Variants in DERA observed in about 807,000 individuals in gnomAD.
DERA encodes deoxyribose-phosphate aldolase, also known as 2-deoxy-D-ribose 5-phosphate aldolase.
In DERA, 15 loss-of-function variants were observed where a neutral mutation model predicts 41.1. That is an observed-to-expected ratio of 0.37 (90% CI 0.24 to 0.56). DERA has a LOEUF of 0.56. Ranked by LOEUF, DERA falls within the 20% of genes least tolerant of loss-of-function variation. DERA has a pLI of 0.81. For missense variants in DERA, 396 were observed against 403.4 expected (o/e 0.98, Z 0.16); for synonymous variants, 139 against 137.4 (o/e 1.01, Z -0.08).
At chr12:16,028,037 A>G (rs1176141911) in intron 6 of DERA, among the ~76,000 whole-genome samples, 3 of 152,230 alleles carry the variant, frequency 2.0e-5, no homozygotes. Flanking sequence ...ATATACACAG[A>G]TATATTTCCC....
chr12:15,914,393 TAAA>T (rs1185673228), intron 1 of DERA, among the ~76,000 whole-genome samples: 2 of 55,018 alleles, frequency 3.6e-5, no homozygotes, highest in Non-Finnish European at 4.1e-5. Flanking sequence ...TCAAAAAAGA[TAAA>T]AAAAAAAAAA....
intron 6 of DERA, among the ~76,000 whole-genome samples, chr12:15,987,387 C>T (rs1948772198): frequency 6.6e-6 from 1 of 151,942 alleles, no homozygotes; most frequent in Non-Finnish European, 1.5e-5. Context: ...CAGGTGTACA[C>T]TACCACGCCT....
chr12:15,944,971 A>G (rs539119045), intron 1 of DERA, among the ~76,000 whole-genome samples: 158 of 152,308 alleles, frequency 1.0e-3, no homozygotes, highest in Middle Eastern at 3.4e-3. Flanking sequence ...TGCCAGCATC[A>G]TTTGTTAAAT....
intron 1 of DERA, among the ~76,000 whole-genome samples, chr12:15,917,342 A>AGT (rs1305379813): frequency 6.6e-6 from 1 of 152,234 alleles, no homozygotes; most frequent in Non-Finnish European, 1.5e-5. Context: ...TCCCAACTGG[A>AGT]GTTAACTTGA....
rs184829467 is a variant in DERA at position 15,918,399 on chromosome 12, T to C, written c.31+6985T>C. 2.4e-4 allele frequency among the ~76,000 whole-genome samples: 37 copies of C among 152,294 alleles called. No homozygotes were observed. The East Asian group carries it at 6.2e-3, about 26-fold the overall frequency. On this transcript the variant is annotated intron_variant, in intron 1 of 8. Coordinates refer to ENST00000428559, the MANE Select transcript of DERA (RefSeq NM_015954.4). This position sits in a 1 kb window ranked among gnomAD's most constrained non-coding sequence, Gnocchi z 4.3. Reference sequence around the variant, plus strand: ...TCCCCTCCTTGTTCTGATTGGACTCTGGGCTACCCCATTCTGTTTGGCCCA... The same window carrying C: ...TCCCCTCCTTGTTCTGATTGGACTCCGGGCTACCCCATTCTGTTTGGCCCA...
At chr12:15,961,708 C>T (rs750363011) in intron 4 of DERA, among the ~76,000 whole-genome samples, 10 of 152,128 alleles carry the variant, frequency 6.6e-5, no homozygotes, top group African/African-American at 1.4e-4. Context: ...AACAGAGAAA[C>T]ATGCTTTCCT....
rs375069071 is a variant in DERA at position 15,957,146 on chromosome 12, G to A, written c.129+113G>A. 1.3e-5 allele frequency: 10 copies of A among 775,884 alleles called. No homozygotes were observed. The highest frequency in any genetic ancestry group is 3.5e-5 in the African/African-American group (2 of 57,634). The allele number at this position is 775,884 out of a possible 1,614,324, so 48.1% of individuals were successfully genotyped here. Reference sequence around the variant, plus strand: ...ATGCATCTAAACTTAAAAGATTGCAGCTGTCCATGACTTATTTTAATAATT... The same window carrying A: ...ATGCATCTAAACTTAAAAGATTGCAACTGTCCATGACTTATTTTAATAATT... On this transcript the variant is annotated intron_variant, in intron 2 of 8. Coordinates refer to ENST00000428559, the MANE Select transcript of DERA (RefSeq NM_015954.4). The surrounding 1 kb of genome is among the most constrained non-coding windows in gnomAD (Gnocchi z 4.8).
Position 16,037,312 on chromosome 12 carries a change from A to C in DERA, c.*566A>C, listed in dbSNP as rs1009720794. ...GTTCCTATAGTTTATTTTTTTAAAA[A>C]ACTTAAAAATTGTTACAATACATAA... On this transcript the variant is annotated 3_prime_UTR_variant, in exon 9 of 9. Transcript: ENST00000428559. This position sits in a 1 kb window ranked among gnomAD's most constrained non-coding sequence, Gnocchi z 6.7. The C allele has an allele frequency of 6.6e-6, 1 of 152,224 alleles. No homozygotes were observed. The highest frequency in any genetic ancestry group is 2.4e-5 in the African/African-American group (1 of 41,462). The allele number at this position is 152,224 out of a possible 1,614,324, so 9.4% of individuals were successfully genotyped here.
chr12:15,949,227 G>T (rs1035600722), intron 1 of DERA, among the ~76,000 whole-genome samples: 1 of 152,172 alleles, frequency 6.6e-6, no homozygotes, highest in Non-Finnish European at 1.5e-5. Flanking sequence ...CTTCAAAGCT[G>T]TCAGATAGGG....
In DERA at chr12:15,931,849, T is replaced by G. The variant is rs934834757; in HGVS notation, c.31+20435T>G. ...GGTTGTTAAAAATAATCTGGCTTCC[T>G]TGTTTTTTCTTCTGTTGCTTCGTCT... On this transcript the variant is annotated intron_variant, in intron 1 of 8. Coordinates refer to ENST00000428559, the MANE Select transcript of DERA (RefSeq NM_015954.4). This position sits in a 1 kb window ranked among gnomAD's most constrained non-coding sequence, Gnocchi z 4.6. 1.3e-5 allele frequency among the ~76,000 whole-genome samples: 2 copies of G among 152,224 alleles called. No individual in the cohort carries two copies. The highest frequency in any genetic ancestry group is 4.8e-5 in the African/African-American group (2 of 41,450).
In DERA at chr12:15,994,182, C is replaced by A. The variant is rs1393616849; in HGVS notation, c.637+11746C>A. 6.6e-6 allele frequency among the ~76,000 whole-genome samples: 1 copy of A among 152,202 alleles called. No individual in the cohort carries two copies. Among genetic ancestry groups the A allele is most frequent in the Non-Finnish European group, 1.5e-5 (1 of 68,038 alleles). On this transcript the variant is annotated intron_variant, in intron 6 of 8. Coordinates refer to ENST00000428559, the MANE Select transcript of DERA (RefSeq NM_015954.4). This position sits in a 1 kb window ranked among gnomAD's most constrained non-coding sequence, Gnocchi z 4.8. The stretch of plus-strand genomic sequence containing the variant: ...ATAGTAAATGCCTAGTACATGCTTG[C>A]TGATAGATTCAGGTATCACACATAT...
In DERA at chr12:15,924,906, G is replaced by A. The variant is rs145249304; in HGVS notation, c.31+13492G>A. Among the ~76,000 whole-genome samples, 869 of 152,274 alleles carry A rather than the reference G, an allele frequency of 5.7e-3. 6 individuals carry two copies. Among genetic ancestry groups the A allele is most frequent in the Middle Eastern group, 0.01 (3 of 294 alleles). On this transcript the variant is annotated intron_variant, in intron 1 of 8. Coordinates refer to ENST00000428559, the MANE Select transcript of DERA (RefSeq NM_015954.4). The surrounding 1 kb of genome is among the most constrained non-coding windows in gnomAD (Gnocchi z 5.0). ...TGCCTTATTAATAGGCTGCTTGAGG[G>A]TAGGATCTGTGCTTATCGGGCGTCT... is the stretch of plus-strand genomic sequence containing the variant.
intron 1 of DERA, among the ~76,000 whole-genome samples, chr12:15,944,527 C>A (rs922705659): frequency 2.6e-5 from 4 of 152,262 alleles, no homozygotes; most frequent in Admixed American, 2.6e-4. Flanking sequence ...TAAATGTCTT[C>A]TTTTGAGAAG....
chr12:15,968,634 T>G (rs1948639975), intron 5 of DERA, among the ~76,000 whole-genome samples: 1 of 152,276 alleles, frequency 6.6e-6, no homozygotes, highest in Non-Finnish European at 1.5e-5. Context: ...CCGTTTACTC[T>G]TGGACAGGTT....
At chr12:16,028,201 A>C (rs1949065454) in intron 6 of DERA, among the ~76,000 whole-genome samples, 1 of 152,204 alleles carries the variant, frequency 6.6e-6, no homozygotes, top group African/African-American at 2.4e-5. Context: ...CAGAAAACAC[A>C]CAAGATAAGC....
chr12:16,002,233 C>T (rs1281078157), intron 6 of DERA, among the ~76,000 whole-genome samples: 2 of 148,592 alleles, frequency 1.3e-5, no homozygotes, highest in African/African-American at 4.9e-5. Flanking sequence ...AACATGTGAA[C>T]AGCAAGGTTA....
rs3782529 is a variant in DERA, at chr12:16,010,527, C to T, written c.638-22015C>T. ...GCTTTTGTTGAGGAATCAAGGTCTC[C>T]GGTGGTCGCCAAGTGAAAAGGAATA... is the stretch of plus-strand genomic sequence containing the variant. On this transcript the variant is annotated intron_variant, in intron 6 of 8. Coordinates refer to ENST00000428559, the MANE Select transcript of DERA (RefSeq NM_015954.4). The surrounding 1 kb of genome is among the most constrained non-coding windows in gnomAD (Gnocchi z 5.5). Among the ~76,000 whole-genome samples, 452 of 97,248 alleles carry T rather than the reference C, an allele frequency of 4.6e-3. 6 individuals are homozygous for T. The East Asian group carries it at 0.071, about 15-fold the overall frequency. The allele number at this position is 97,248 out of a possible 152,430, so 63.8% of individuals were successfully genotyped here.
chr12:16,036,274 T>G lies in DERA; in HGVS notation c.793T>G (p.Ser265Ala). 6.2e-7 allele frequency: 1 copy of G among 1,613,620 alleles called. No homozygotes were observed. The highest frequency in any genetic ancestry group is 8.5e-7 in the Non-Finnish European group (1 of 1,179,726). Residue 265 changes from serine (S) to alanine (A), a missense_variant, in exon 8 of 9, where the codon TCC (serine) becomes GCC (alanine). Ser to Ala is a moderately conservative substitution (Grantham distance 99). Transcript: ENST00000428559. This position sits in a 1 kb window ranked among gnomAD's most constrained non-coding sequence, Gnocchi z 4.9. ...AGGAGGCATCCGCAGTGCAAAGGAT[T>G]CCCTTGCTTGGCTCTCTCTTGTAAA... ...PAGGIRSAKD[S>A]LAWLSLVKEE...
chr12:15,976,400 G>A lies in DERA; in HGVS notation c.509-5908G>A, dbSNP rs566449295. Among the ~76,000 whole-genome samples the A allele has an allele frequency of 3.9e-5, 6 of 152,074 alleles. No homozygotes were observed. The highest frequency in any genetic ancestry group is 1.9e-4 in the East Asian group (1 of 5,182). On this transcript the variant is annotated intron_variant, in intron 5 of 8. Transcript: ENST00000428559. This position sits in a 1 kb window ranked among gnomAD's most constrained non-coding sequence, Gnocchi z 4.1. ...TCACTTTCCCCAGAGCTGACTGCAC[G>A]TCCCCCTCACCTCGCCTCCATCATG...
Sources: allele counts gnomAD v4.1 joint callset (sites outside exome capture counted in the v4.1 genomes callset), GRCh38; gene constraint gnomAD v4.1.1; non-coding constraint Gnocchi (gnomAD v3.1); transcripts MANE v1.5; gene names NCBI Gene and HGNC (gene_info 2026-07-23, HGNC 2026-07-21).